Variants in AKAP6 observed in about 807,000 individuals in gnomAD.
The protein encoded by AKAP6 is A-kinase anchor protein 6.
A neutral mutation model predicts 188.5 loss-of-function variants in AKAP6; 58 were observed. That is an observed-to-expected ratio of 0.31 (90% CI 0.25 to 0.38). AKAP6 has a LOEUF of 0.38. AKAP6 is among the 10% of genes least tolerant of loss of function. AKAP6 has a pLI of 1.00. For synonymous variants in AKAP6, 989 were observed against 998.6 expected (o/e 0.99, Z 0.18); for missense variants, 2,710 against 2,740.0 (o/e 0.99, Z 0.24).
At chr14:32,750,806 G>T (rs1444562600) in intron 11 of AKAP6, among the ~76,000 whole-genome samples, 1 of 145,736 alleles carries the variant, frequency 6.9e-6, no homozygotes, top group Non-Finnish European at 1.5e-5. Context: ...GCAGTGGTGT[G>T]ATCTCGGCTC....
rs376884774 is a variant in AKAP6, at chr14:32,551,867, C to T, written c.2346+4868C>T. On this transcript the variant is annotated intron_variant, in intron 4 of 13. Coordinates refer to ENST00000280979, the MANE Select transcript of AKAP6 (RefSeq NM_004274.5). ...TTTTTTAGTAGAGATGGGGTTTCACCGTGAGAGCCAGGATGGTCTCTATCT... is the reference window on the plus strand; with the variant it reads ...TTTTTTAGTAGAGATGGGGTTTCACTGTGAGAGCCAGGATGGTCTCTATCT... Among the ~76,000 whole-genome samples, 6 of 151,804 alleles carry T rather than the reference C, an allele frequency of 4.0e-5. No homozygotes were observed. The East Asian group carries it at 1.2e-3, about 30-fold the overall frequency.
In AKAP6 at chr14:32,565,698, A is replaced by G. The variant is rs541937346; in HGVS notation, c.2347-11422A>G. On this transcript the variant is annotated intron_variant, in intron 4 of 13. Transcript: ENST00000280979. ...CATTCCATTGTCTTCAGGATAAAGT[A>G]CAAACTACAGAGCATGTTGTCTGTG... 2.0e-5 allele frequency among the ~76,000 whole-genome samples: 3 copies of G among 152,370 alleles called. 1 individual carries two copies. In the South Asian group the frequency reaches 6.2e-4, roughly 32 times the overall value.
Position 32,431,121 on chromosome 14 carries a change from G to A in AKAP6, c.-34-2339G>A, listed in dbSNP as rs1890208081. Reference sequence around the variant, plus strand: ...CTCCATCTCAAAAAAAAAAAAATTGGAGAAATTGGAATCAGCCTGAGGCTG... The same window carrying A: ...CTCCATCTCAAAAAAAAAAAAATTGAAGAAATTGGAATCAGCCTGAGGCTG... On this transcript the variant is annotated intron_variant, in intron 1 of 13. Transcript: ENST00000280979. Among the ~76,000 whole-genome samples, 4 of 151,962 alleles carry A rather than the reference G, an allele frequency of 2.6e-5. No individual in the cohort carries two copies. In the South Asian group the frequency reaches 8.3e-4, roughly 32 times the overall value.
chr14:32,371,469 TG>T (rs1315120012), intron 1 of AKAP6, among the ~76,000 whole-genome samples: 3 of 151,976 alleles, frequency 2.0e-5, no homozygotes, highest in African/African-American at 7.3e-5. Context: ...TAGCTGGGCG[TG>T]GGGGTGCTCA....
chr14:32,387,137 A>AT (rs1465360807), intron 1 of AKAP6, among the ~76,000 whole-genome samples: 5 of 152,060 alleles, frequency 3.3e-5, no homozygotes, highest in Non-Finnish European at 7.4e-5. Context: ...GTGTACGTTA[A>AT]TTTTGTTTCT....
At chr14:32,529,364 C>CT (rs969752172) in intron 2 of AKAP6, among the ~76,000 whole-genome samples, 2 of 151,634 alleles carry the variant, frequency 1.3e-5, no homozygotes, top group Non-Finnish European at 2.9e-5. Context: ...CAGGAGTCTA[C>CT]TTTTTTTTTC....
At chr14:32,748,723 G>C (rs2032008640) in intron 11 of AKAP6, among the ~76,000 whole-genome samples, 4 of 152,140 alleles carry the variant, frequency 2.6e-5, no homozygotes, top group African/African-American at 9.6e-5. Flanking sequence ...TTTGCCCTTT[G>C]ACCTGGGAAG....
At chr14:32,624,885 G>A (rs1006192088) in intron 7 of AKAP6, among the ~76,000 whole-genome samples, 6 of 151,932 alleles carry the variant, frequency 3.9e-5, no homozygotes, top group African/African-American at 4.8e-5. Flanking sequence ...CATTCAAATC[G>A]TGTAATTAAA....
intron 11 of AKAP6, among the ~76,000 whole-genome samples, chr14:32,759,406 A>G (rs1221199742): frequency 6.6e-6 from 1 of 151,826 alleles, no homozygotes; most frequent in Non-Finnish European, 1.5e-5. Context: ...TTCTTTAGTC[A>G]TGATTGGGAG....
chr14:32,778,301 G>A (rs568056997), intron 12 of AKAP6, among the ~76,000 whole-genome samples: 105 of 152,078 alleles, frequency 6.9e-4, no homozygotes, highest in African/African-American at 1.9e-3. Flanking sequence ...AATTTTTTTT[G>A]TATTATTTAA....
chr14:32,687,498 C>T (rs1219491389), intron 8 of AKAP6, among the ~76,000 whole-genome samples: 1 of 148,668 alleles, frequency 6.7e-6, no homozygotes, highest in Non-Finnish European at 1.5e-5. Context: ...ACACTGTGAC[C>T]ATTTTGAATT....
rs149838910 is a variant in AKAP6, at chr14:32,697,154, G to A, written c.3000+1044G>A. On this transcript the variant is annotated intron_variant, in intron 9 of 13. Coordinates refer to ENST00000280979, the MANE Select transcript of AKAP6 (RefSeq NM_004274.5). ...TTCAATGGTATCATTTTAAATTACCGTTCTTTAATAAATGATTTTAACTTT... is the reference window on the plus strand; with the variant it reads ...TTCAATGGTATCATTTTAAATTACCATTCTTTAATAAATGATTTTAACTTT... Among the ~76,000 whole-genome samples the A allele has an allele frequency of 2.8e-3, 426 of 152,136 alleles. 1 individual carries two copies. The highest frequency in any genetic ancestry group is 8.1e-3 in the African/African-American group (337 of 41,516).
intron 7 of AKAP6, among the ~76,000 whole-genome samples, chr14:32,634,260 G>T (rs1309862492): frequency 1.3e-5 from 2 of 152,006 alleles, no homozygotes; most frequent in Non-Finnish European, 2.9e-5. Context: ...AACTCACAGG[G>T]CTATAATATT....
intron 2 of AKAP6, among the ~76,000 whole-genome samples, chr14:32,452,280 G>A (rs866702516): frequency 9.2e-5 from 14 of 151,942 alleles, no homozygotes; most frequent in African/African-American, 3.4e-4. Context: ...GCAATCTGCC[G>A]ACCTTGGCCT....
At chr14:32,334,865 A>C (rs1234718075) in intron 1 of AKAP6, among the ~76,000 whole-genome samples, 4 of 152,232 alleles carry the variant, frequency 2.6e-5, no homozygotes, top group Non-Finnish European at 5.9e-5. Context: ...GCCATGGGGC[A>C]TGCTCCAAAC....
In AKAP6 at chr14:32,619,954, G is replaced by A. The variant is rs1886745995; in HGVS notation, c.2730+19162G>A. ...TTTCATTTGCAGCTATTATAAAAGG[G>A]ATTGAGTTCTTGATTTGATTCTCAG... On this transcript the variant is annotated intron_variant, in intron 7 of 13. Transcript: ENST00000280979. Among the ~76,000 whole-genome samples, 3 of 152,004 alleles carry A rather than the reference G, an allele frequency of 2.0e-5. No homozygotes were observed. In the South Asian group the frequency reaches 6.2e-4, roughly 31 times the overall value.
chr14:32,510,477 CATATATATATGTGTATATATAT>C (rs1881195587), intron 2 of AKAP6, among the ~76,000 whole-genome samples: 1 of 72,918 alleles, frequency 1.4e-5, no homozygotes, highest in Non-Finnish European at 2.7e-5. Context: ...TATATATATA[CATATATATATGTGTATATATAT>C]ATATATGAAG....
At chr14:32,625,373 G>A (rs1212289394) in intron 7 of AKAP6, among the ~76,000 whole-genome samples, 1 of 152,020 alleles carries the variant, frequency 6.6e-6, no homozygotes, top group Non-Finnish European at 1.5e-5. Flanking sequence ...AATATATTAT[G>A]TTTTAAATAT....
At chr14:32,786,296 A>ATGGTTTTTTTTTTTTTTTT in intron 12 of AKAP6, among the ~76,000 whole-genome samples, 4 of 93,718 alleles carry the variant, frequency 4.3e-5, no homozygotes, top group Admixed American at 1.3e-4. Flanking sequence ...CTAAACCTTT[A>ATGGTTTTTTTTTTTTTTTT]TCTTTTTTTT....
Sources: allele counts gnomAD v4.1 joint callset (sites outside exome capture counted in the v4.1 genomes callset), GRCh38; gene constraint gnomAD v4.1.1; transcripts MANE v1.5; gene names NCBI Gene and HGNC (gene_info 2026-07-23, HGNC 2026-07-21).